Variants in UGT8 observed in about 807,000 individuals in gnomAD.
UGT8 encodes the protein UDP glycosyltransferase 8.
In UGT8, 12 loss-of-function variants were observed where a neutral mutation model predicts 40.5. The ratio of observed to expected loss-of-function variants is 0.30; its 90% CI spans 0.19 to 0.48. The LOEUF is 0.48. Among genes scored for constraint, UGT8 ranks in the 20% least tolerant of loss-of-function variants. The pLI is 0.99. For missense variants in UGT8, 513 were observed against 648.7 expected (o/e 0.79, Z 2.27); for synonymous variants, 224 against 240.4 (o/e 0.93, Z 0.63).
rs148379148 is a variant in UGT8 at position 114,646,445 on chromosome 4, C to T, written c.823-17550C>T. On this transcript the variant is annotated intron_variant, in intron 2 of 5. Transcript: ENST00000310836. ...AATGTCATAGAAACAATGTGATAAA[C>T]AGTGAAGTTGTCATCATTATGATAA... Among the ~76,000 whole-genome samples the T allele has an allele frequency of 2.0e-4, 31 of 151,840 alleles. No individual in the cohort carries two copies. The East Asian group carries it at 5.2e-3, about 26-fold the overall frequency.
chr4:114,604,738 T>C (rs544635795), intron 1 of UGT8, among the ~76,000 whole-genome samples: 34 of 152,274 alleles, frequency 2.2e-4, no homozygotes, highest in South Asian at 4.1e-4. Flanking sequence ...ATAATAAATA[T>C]TTGTTGTCCC....
intron 3 of UGT8, among the ~76,000 whole-genome samples, chr4:114,664,733 A>T (rs926099790): frequency 3.9e-5 from 6 of 152,232 alleles, no homozygotes; most frequent in Non-Finnish European, 8.8e-5. Context: ...TGGAATTTCC[A>T]GCCCAATGCT....
chr4:114,633,561 TATC>T (rs1202927045), intron 2 of UGT8, among the ~76,000 whole-genome samples: 1 of 152,186 alleles, frequency 6.6e-6, no homozygotes, highest in Non-Finnish European at 1.5e-5. Flanking sequence ...ACAGAGATGA[TATC>T]ATGCAAAGCC....
At chr4:114,646,090 C>T (rs1483438343) in intron 2 of UGT8, among the ~76,000 whole-genome samples, 4 of 151,938 alleles carry the variant, frequency 2.6e-5, no homozygotes, top group Admixed American at 1.3e-4. Context: ...TGAATTAGCT[C>T]AGGAGATATA....
At chr4:114,670,490 G>A (rs1291374326) in intron 5 of UGT8, among the ~76,000 whole-genome samples, 2 of 148,850 alleles carry the variant, frequency 1.3e-5, no homozygotes, top group Non-Finnish European at 3.0e-5. Context: ...TTTCATCCCT[G>A]GGATGCAAGG....
At chr4:114,634,531 C>G (rs370738537) in intron 2 of UGT8, among the ~76,000 whole-genome samples, 2 of 152,140 alleles carry the variant, frequency 1.3e-5, no homozygotes, top group East Asian at 3.9e-4. Context: ...TAGGTCCATC[C>G]TTTATTGGTG....
At chr4:114,657,558 A>G (rs1263480799) in intron 2 of UGT8, among the ~76,000 whole-genome samples, 1 of 152,216 alleles carries the variant, frequency 6.6e-6, no homozygotes, top group Non-Finnish European at 1.5e-5. Context: ...ACTGAAAACT[A>G]GATTTGATGC....
At chr4:114,622,559 G>A (rs1486091560) in intron 1 of UGT8, 2 of 260,774 alleles carry the variant, frequency 7.7e-6, no homozygotes, top group Non-Finnish European at 7.5e-6. Context: ...CACCAACAGT[G>A]TAAAAGTGTT....
chr4:114,624,895 A>G (rs558110519), intron 2 of UGT8, among the ~76,000 whole-genome samples: 19 of 152,326 alleles, frequency 1.2e-4, no homozygotes, highest in African/African-American at 4.6e-4. Context: ...TCTGACGTCA[A>G]CTGTAAAGGA....
intron 1 of UGT8, among the ~76,000 whole-genome samples, chr4:114,604,472 T>TC (rs752063508): frequency 6.8e-6 from 1 of 146,374 alleles, no homozygotes; most frequent in African/African-American, 2.5e-5. Flanking sequence ...TTTTTTTTTT[T>TC]CCCCCAATTA....
At chr4:114,664,491 C>A (rs919025111) in intron 3 of UGT8, among the ~76,000 whole-genome samples, 3 of 152,078 alleles carry the variant, frequency 2.0e-5, no homozygotes, top group African/African-American at 7.2e-5. Context: ...TTATATACTC[C>A]TTCAAATCAG....
intron 1 of UGT8, among the ~76,000 whole-genome samples, chr4:114,616,485 A>G (rs925117094): frequency 2.6e-5 from 4 of 152,172 alleles, no homozygotes; most frequent in African/African-American, 7.2e-5. Flanking sequence ...CCGATTTTCC[A>G]GGTGCCTTCT....
At chr4:114,632,552 A>G (rs144257515) in intron 2 of UGT8, among the ~76,000 whole-genome samples, 11 of 152,374 alleles carry the variant, frequency 7.2e-5, no homozygotes, top group Admixed American at 1.3e-4. Flanking sequence ...TTCATTGAAT[A>G]TAGTAACTAC....
At chr4:114,645,138 A>C (rs1006636221) in intron 2 of UGT8, among the ~76,000 whole-genome samples, 29 of 152,158 alleles carry the variant, frequency 1.9e-4, no homozygotes, top group African/African-American at 7.0e-4. Flanking sequence ...TTCAATGAGC[A>C]AAAAAATTAA....
intron 1 of UGT8, among the ~76,000 whole-genome samples, chr4:114,612,200 A>C (rs922731937): frequency 6.6e-6 from 1 of 152,110 alleles, no homozygotes; most frequent in Non-Finnish European, 1.5e-5. Context: ...AGATAAACCC[A>C]CACATTTCTC....
intron 1 of UGT8, among the ~76,000 whole-genome samples, chr4:114,603,173 C>A (rs1730538170): frequency 6.6e-6 from 1 of 152,010 alleles, no homozygotes; most frequent in Non-Finnish European, 1.5e-5. Flanking sequence ...AAAAGGAGAT[C>A]CAGATTTGAG....
At chr4:114,654,990 A>T (rs1040623593) in intron 2 of UGT8, among the ~76,000 whole-genome samples, 1 of 151,960 alleles carries the variant, frequency 6.6e-6, no homozygotes, top group Non-Finnish European at 1.5e-5. Flanking sequence ...AGTATGACTG[A>T]TAACTTATAT....
chr4:114,620,534 T>C (rs1731720227), intron 1 of UGT8, among the ~76,000 whole-genome samples: 1 of 152,212 alleles, frequency 6.6e-6, no homozygotes, highest in African/African-American at 2.4e-5. Flanking sequence ...ATCTTGTAAT[T>C]GTAGTCAACT....
chr4:114,623,199 C>T lies in UGT8; in HGVS notation c.319C>T (p.Leu107=). 1.2e-6 allele frequency: 2 copies of T among 1,614,170 alleles called. No individual in the cohort carries two copies. Among genetic ancestry groups the T allele is most frequent in the Non-Finnish European group, 1.7e-6 (2 of 1,180,024 alleles). ...RLTAIELFDI[L]DHYTKNCDLM... ...GACAGCAATCGAACTGTTTGACATA[C>T]TGGATCACTATACTAAGAACTGTGA... The change falls in exon 2 of 6, where the codon CTG becomes TTG. Residue 107 remains leucine, a synonymous_variant. Transcript: ENST00000310836.
Sources: allele counts gnomAD v4.1 joint callset (sites outside exome capture counted in the v4.1 genomes callset), GRCh38; gene constraint gnomAD v4.1.1; transcripts MANE v1.5; gene names NCBI Gene and HGNC (gene_info 2026-07-23, HGNC 2026-07-21).